USP10: variants seen among roughly 807,000 people sequenced by gnomAD.
USP10 encodes ubiquitin carboxyl-terminal hydrolase 10.
In USP10, 22 loss-of-function variants were observed where a neutral mutation model predicts 84.5. That is an observed-to-expected ratio of 0.26 (90% CI 0.19 to 0.37). The LOEUF is 0.37. USP10 is among the 10% of genes least tolerant of loss of function. The pLI is 1.00. For synonymous variants in USP10, 454 were observed against 387.6 expected, an observed-to-expected ratio of 1.17 and a Z score of -2.01; for missense variants, 1,019 against 998.9, an observed-to-expected ratio of 1.02 and a Z score of -0.27.
chr16:84,755,319 C>T (rs1468228881), intron 4 of USP10, among the ~76,000 whole-genome samples: 2 of 151,864 alleles, frequency 1.3e-5, no homozygotes, highest in African/African-American at 4.8e-5. Flanking sequence ...TGCTGTTTCA[C>T]TCCTTCTCCC....
chr16:84,753,945 G>T (rs1321963527), intron 4 of USP10, among the ~76,000 whole-genome samples: 2 of 152,174 alleles, frequency 1.3e-5, no homozygotes, highest in Non-Finnish European at 2.9e-5. Flanking sequence ...TGGCAGAGGG[G>T]TGTTGAGGGG....
chr16:84,757,191 T>C (rs1912644882), intron 4 of USP10, among the ~76,000 whole-genome samples: 1 of 152,186 alleles, frequency 6.6e-6, no homozygotes, highest in Non-Finnish European at 1.5e-5. Context: ...TCGTAACTGA[T>C]CCATTATTCA....
chr16:84,730,845 A>C (rs1464771443), intron 1 of USP10, among the ~76,000 whole-genome samples: 3 of 152,204 alleles, frequency 2.0e-5, no homozygotes, highest in Admixed American at 2.0e-4. Context: ...CTTCCTAAAG[A>C]AAATACCTGA....
At chr16:84,715,878 G>A (rs573144258) in intron 1 of USP10, among the ~76,000 whole-genome samples, 52 of 152,166 alleles carry the variant, frequency 3.4e-4, no homozygotes, top group African/African-American at 1.2e-3. Context: ...TTTCCCCCAC[G>A]ATGGCGGAAT....
In USP10 at chr16:84,745,578, C is replaced by T. The variant is rs1597354250; in HGVS notation, c.1097C>T (p.Pro366Leu). The change falls in exon 4 of 14, where the codon CCT becomes CTT. Residue 366 changes from proline to leucine, a missense_variant. Pro to Leu is a moderately conservative substitution (Grantham distance 98). Around this residue, in one of 2 missense-constraint regions of USP10, gnomAD observed 787 missense variants for 708.8 expected, o/e 1.11. Transcript: ENST00000219473. The stretch of plus-strand genomic sequence containing the variant: ...GCCTATGTGGAAACTAAGTATTCCC[C>T]TCCCGCCATATCTCCCCTGGTTTCT... ...PVAYVETKYS[P>L]PAISPLVSEK... The T allele has an allele frequency of 6.2e-7, 1 of 1,610,636 alleles. No individual in the cohort carries two copies. The highest frequency in any genetic ancestry group is 8.5e-7 in the Non-Finnish European group (1 of 1,178,288).
intron 4 of USP10, among the ~76,000 whole-genome samples, chr16:84,755,720 A>G (rs1411528607): frequency 6.6e-6 from 1 of 151,214 alleles, no homozygotes. Context: ...ATTGCTTGAG[A>G]CCCAGAGGCG....
chr16:84,706,186 C>G (rs986880592), intron 1 of USP10, among the ~76,000 whole-genome samples: 4 of 151,598 alleles, frequency 2.6e-5, no homozygotes, highest in African/African-American at 9.7e-5. Flanking sequence ...CCTAGCCTCC[C>G]TATTCATTCT....
intron 12 of USP10, among the ~76,000 whole-genome samples, chr16:84,773,740 A>G (rs1324647786): frequency 6.6e-6 from 1 of 152,086 alleles, no homozygotes; most frequent in Non-Finnish European, 1.5e-5. Flanking sequence ...CATGTAACAG[A>G]TCCTCCTCCC....
chr16:84,722,056 A>G (rs994607649), intron 1 of USP10, among the ~76,000 whole-genome samples: 4 of 152,354 alleles, frequency 2.6e-5, no homozygotes, highest in Admixed American at 6.5e-5. Flanking sequence ...CTCCATATAT[A>G]GAACATTTCC....
Position 84,759,853 on chromosome 16 carries a change from T to G in USP10, c.1395-38T>G, listed in dbSNP as rs747092400. The G allele has an allele frequency of 3.8e-6, 6 of 1,599,674 alleles. No homozygotes were observed. In the South Asian group the frequency reaches 6.6e-5, roughly 18 times the overall value. On this transcript the variant is annotated intron_variant, in intron 6 of 13. Transcript: ENST00000219473. ...CTCTTTAGTAAAAGTATATATTGTT[T>G]AAAACTGCACTATTTAACATTTTTT...
At chr16:84,731,827 A>G (rs1415952106) in intron 1 of USP10, among the ~76,000 whole-genome samples, 3 of 151,442 alleles carry the variant, frequency 2.0e-5, no homozygotes, top group African/African-American at 4.9e-5. Flanking sequence ...CTTTTAGCCT[A>G]TAGAATTTTC....
chr16:84,730,217 CAA>C (rs1048495895), intron 1 of USP10, among the ~76,000 whole-genome samples: 5 of 152,042 alleles, frequency 3.3e-5, no homozygotes, highest in African/African-American at 1.2e-4. Context: ...TATGCAGACA[CAA>C]ATATCTATAT....
chr16:84,764,042 T>A, intron 9 of USP10, 44 bp from the exon 10 acceptor site: 1 of 1,549,646 alleles, frequency 6.5e-7, no homozygotes. Flanking sequence ...TTTTTTGCTG[T>A]TCTTGTCGTA....
intron 3 of USP10, among the ~76,000 whole-genome samples, chr16:84,744,092 T>C (rs1910936576): frequency 6.6e-6 from 1 of 152,138 alleles, no homozygotes; most frequent in Non-Finnish European, 1.5e-5. Context: ...GACATCTTTT[T>C]TTTTTGTTTT....
Position 84,779,016 on chromosome 16 carries a change from G to A in USP10, c.2331G>A (p.Gln777=). The A allele has an allele frequency of 6.2e-7, 1 of 1,614,036 alleles. No homozygotes were observed. The highest frequency in any genetic ancestry group is 8.5e-7 in the Non-Finnish European group (1 of 1,179,914). The change falls in exon 14 of 14, where the codon CAG becomes CAA. Residue 777 remains glutamine, a synonymous_variant. Transcript: ENST00000219473. ...DQTVKVINQY[Q]VVKPTAERTA... is the part of the protein sequence containing the mutation. ...CAGTCAAGGTGATCAACCAGTACCA[G>A]GTGGTGAAACCAACTGCTGAACGCA...
intron 2 of USP10, among the ~76,000 whole-genome samples, chr16:84,737,083 C>G (rs111639576): frequency 5.8e-4 from 88 of 152,184 alleles, no homozygotes; most frequent in Non-Finnish European, 1.0e-3. Context: ...CCACCACGCC[C>G]GGCCTAATTT....
At chr16:84,751,884 A>G (rs1177004648) in intron 4 of USP10, among the ~76,000 whole-genome samples, 1 of 152,172 alleles carries the variant, frequency 6.6e-6, no homozygotes, top group East Asian at 1.9e-4. Flanking sequence ...ACAGAATTTG[A>G]TGTGTAAAAT....
chr16:84,763,840 T>G (rs1331347996), intron 9 of USP10, among the ~76,000 whole-genome samples: 1 of 151,908 alleles, frequency 6.6e-6, no homozygotes, highest in African/African-American at 2.4e-5. Context: ...CTGTTGGGAT[T>G]GGTTGCCATG....
chr16:84,759,588 C>CT (rs1912963053), intron 6 of USP10, 116 bp downstream of exon 6: 6 of 1,006,026 alleles, frequency 6.0e-6, no homozygotes, highest in African/African-American at 4.9e-5. Context: ...ATAATTCTGT[C>CT]TTTTTTTAAA....
Sources: gnomAD v4.1 joint callset for allele counts (sites outside exome capture counted in the v4.1 genomes callset) on GRCh38, gnomAD v4.1.1 for gene constraint, gnomAD v4.1.1 regional missense constraint, MANE v1.5 for transcripts, NCBI Gene and HGNC (gene_info 2026-07-23, HGNC 2026-07-21) for gene names.